The following CNTNAP2 variants were observed in gnomAD, a reference collection of about 807,000 sequenced individuals.
The protein encoded by CNTNAP2 is contactin associated protein 2.
A neutral mutation model predicts 155.2 loss-of-function variants in CNTNAP2; 98 were observed. The ratio of observed to expected loss-of-function variants is 0.63; its 90% CI spans 0.54 to 0.75. The LOEUF is 0.75. Ranked by LOEUF, CNTNAP2 falls within the 30% of genes least tolerant of loss-of-function variation. The probability of loss-of-function intolerance (pLI) is 0.00; values close to 1 mark genes in which losing one functional copy is unlikely to be tolerated. For missense variants in CNTNAP2, 1,727 were observed against 1,688.1 expected (o/e 1.02, Z -0.40); for synonymous variants, 651 against 631.2 (o/e 1.03, Z -0.47).
intron 15 of CNTNAP2, among the ~76,000 whole-genome samples, chr7:148,064,937 CT>C (rs1803226065): frequency 6.6e-6 from 1 of 152,102 alleles, no homozygotes; most frequent in Non-Finnish European, 1.5e-5. Flanking sequence ...ATGCTATGAA[CT>C]TTCCTCTTAG....
At chr7:147,872,036 G>A (rs1799336245) in intron 13 of CNTNAP2, among the ~76,000 whole-genome samples, 1 of 152,178 alleles carries the variant, frequency 6.6e-6, no homozygotes, top group South Asian at 2.1e-4. Context: ...AAAGCCAGTG[G>A]CAGAGCCAGA....
intron 13 of CNTNAP2, among the ~76,000 whole-genome samples, chr7:147,799,811 C>T (rs1192471461): frequency 6.6e-6 from 1 of 152,172 alleles, no homozygotes; most frequent in African/African-American, 2.4e-5. Context: ...GAAAATCAGC[C>T]TGAAAGGAAG....
intron 15 of CNTNAP2, among the ~76,000 whole-genome samples, chr7:148,037,559 A>T (rs1466355860): frequency 6.6e-6 from 1 of 152,230 alleles, no homozygotes; most frequent in East Asian, 1.9e-4. Flanking sequence ...TCTGTGTTGA[A>T]CTATAAATAC....
At chr7:148,287,239 G>A (rs1483652999) in intron 21 of CNTNAP2, among the ~76,000 whole-genome samples, 3 of 152,004 alleles carry the variant, frequency 2.0e-5, no homozygotes, top group African/African-American at 4.8e-5. Context: ...TTTCCTTCAG[G>A]TCATGGCTTG....
chr7:147,162,556 T>C (rs1802046457), intron 8 of CNTNAP2, among the ~76,000 whole-genome samples: 1 of 152,184 alleles, frequency 6.6e-6, no homozygotes, highest in African/African-American at 2.4e-5. Context: ...TTGTTTATAA[T>C]AGTCCTTTTA....
At chr7:147,610,693 C>G (rs965527740) in intron 12 of CNTNAP2, among the ~76,000 whole-genome samples, 1 of 152,114 alleles carries the variant, frequency 6.6e-6, no homozygotes, top group Non-Finnish European at 1.5e-5. Flanking sequence ...TCAGAGGAAA[C>G]AGCCCAGGCA....
intron 3 of CNTNAP2, among the ~76,000 whole-genome samples, chr7:146,872,713 G>A (rs535885694): frequency 1.3e-5 from 2 of 152,284 alleles, no homozygotes; most frequent in Admixed American, 1.3e-4. Flanking sequence ...GGAGATAATA[G>A]CTAGAAGGCT....
intron 8 of CNTNAP2, among the ~76,000 whole-genome samples, chr7:147,265,595 T>C (rs925095344): frequency 1.3e-5 from 2 of 152,150 alleles, no homozygotes; most frequent in African/African-American, 4.8e-5. Context: ...CTCTGAGGAA[T>C]CCGGACAGCT....
chr7:147,616,358 A>G (rs1201324468), intron 12 of CNTNAP2, among the ~76,000 whole-genome samples: 1 of 152,192 alleles, frequency 6.6e-6, no homozygotes, highest in Non-Finnish European at 1.5e-5. Flanking sequence ...AAGTCACACT[A>G]CTGCTTAAAT....
intron 2 of CNTNAP2, among the ~76,000 whole-genome samples, chr7:146,808,804 T>A (rs1803013146): frequency 6.6e-6 from 1 of 152,194 alleles, no homozygotes; most frequent in Non-Finnish European, 1.5e-5. Context: ...TGTACAGTAT[T>A]TTTCTTTGTT....
At chr7:146,775,247 G>A (rs549806398) in intron 2 of CNTNAP2, among the ~76,000 whole-genome samples, 1 of 152,242 alleles carries the variant, frequency 6.6e-6, no homozygotes, top group Admixed American at 6.5e-5. Flanking sequence ...CTATTGTGTA[G>A]CATGGTGACT....
At chr7:147,158,891 CA>C (rs1011444475) in intron 8 of CNTNAP2, among the ~76,000 whole-genome samples, 2 of 151,910 alleles carry the variant, frequency 1.3e-5, no homozygotes. Context: ...AGATCTCAAA[CA>C]AAAAATTACA....
chr7:146,742,669 A>G (rs1037835835), intron 1 of CNTNAP2, among the ~76,000 whole-genome samples: 2 of 152,104 alleles, frequency 1.3e-5, no homozygotes, highest in African/African-American at 2.4e-5. Context: ...AGATTTAAGT[A>G]GGTAATGAGA....
At chr7:147,727,165 C>A (rs1796658919) in intron 13 of CNTNAP2, among the ~76,000 whole-genome samples, 1 of 151,996 alleles carries the variant, frequency 6.6e-6, no homozygotes, top group South Asian at 2.1e-4. Context: ...CCCCAACCTA[C>A]CTGAACCCCA....
intron 1 of CNTNAP2, among the ~76,000 whole-genome samples, chr7:146,364,014 A>G (rs555248843): frequency 7.5e-4 from 114 of 152,292 alleles, no homozygotes; most frequent in African/African-American, 2.3e-3. Context: ...AGAGAAAAAA[A>G]GTTGCTTGCA....
At chr7:147,758,612 G>A (rs1797252282) in intron 13 of CNTNAP2, among the ~76,000 whole-genome samples, 1 of 152,178 alleles carries the variant, frequency 6.6e-6, no homozygotes, top group African/African-American at 2.4e-5. Context: ...GGGAGGCTGA[G>A]GCAGGCAGAT....
chr7:148,402,523 C>G (rs1267651805), intron 22 of CNTNAP2, among the ~76,000 whole-genome samples: 2 of 152,140 alleles, frequency 1.3e-5, no homozygotes, highest in African/African-American at 2.4e-5. Context: ...AGTCGATAAC[C>G]ATTTGTTTTC....
At chr7:146,941,888 T>A (rs1797065334) in intron 3 of CNTNAP2, among the ~76,000 whole-genome samples, 1 of 152,098 alleles carries the variant, frequency 6.6e-6, no homozygotes, top group African/African-American at 2.4e-5. Flanking sequence ...CCTTATATGT[T>A]ATTTGCTGCT....
intron 13 of CNTNAP2, among the ~76,000 whole-genome samples, chr7:147,745,664 T>C (rs565563739): frequency 2.0e-5 from 3 of 152,238 alleles, no homozygotes; most frequent in African/African-American, 7.2e-5. Flanking sequence ...GAAATGTGAC[T>C]ATAATGAAGT....
Sources: allele counts gnomAD v4.1 joint callset (sites outside exome capture counted in the v4.1 genomes callset), GRCh38; gene constraint gnomAD v4.1.1; transcripts MANE v1.5; gene names NCBI Gene and HGNC (gene_info 2026-07-23, HGNC 2026-07-21).